The following CLASP2 variants were observed in gnomAD, a reference collection of about 807,000 sequenced individuals.
CLASP2 encodes CLIP-associating protein 2.
A neutral mutation model predicts 194.4 loss-of-function variants in CLASP2; 47 were observed. That is an observed-to-expected ratio of 0.24 (90% CI 0.19 to 0.31). CLASP2 has a LOEUF of 0.31. Ranked by LOEUF, CLASP2 falls within the 10% of genes least tolerant of loss-of-function variation. CLASP2 has a pLI of 1.00. For missense variants in CLASP2, 1,445 were observed against 1,823.6 expected, an observed-to-expected ratio of 0.79 and a Z score of 3.78; for synonymous variants, 619 against 633.5, an observed-to-expected ratio of 0.98 and a Z score of 0.34.
At chr3:33,693,396 T>C (rs1490522840) in intron 2 of CLASP2, among the ~76,000 whole-genome samples, 2 of 152,152 alleles carry the variant, frequency 1.3e-5, no homozygotes, top group Non-Finnish European at 2.9e-5. Context: ...AGTTAGATTA[T>C]CAAAAAACCT....
intron 19 of CLASP2, among the ~76,000 whole-genome samples, chr3:33,596,228 T>C (rs910995622): frequency 5.3e-5 from 8 of 152,118 alleles, no homozygotes; most frequent in Admixed American, 2.0e-4. Flanking sequence ...AGTTCAATTT[T>C]GACTAAATGT....
chr3:33,642,402 G>A (rs1384489975), intron 8 of CLASP2, among the ~76,000 whole-genome samples: 1 of 151,856 alleles, frequency 6.6e-6, no homozygotes, highest in African/African-American at 2.4e-5. Context: ...AATGAATAGT[G>A]CCACTTTTGT....
rs1485542441 is a variant in CLASP2 at position 33,516,139 on chromosome 3, C to T, written c.3994G>A (p.Ala1332Thr). 1 of 1,604,808 alleles carries T rather than the reference C, an allele frequency of 6.2e-7. No individual in the cohort carries two copies. The highest frequency in any genetic ancestry group is 1.1e-5 in the South Asian group (1 of 88,816). ...TLGDKEPTIR[A>T]LALKVLREIL... ...TCTCTTAAAACCTTTAATGCCAAAG[C>T]CCTGATTGTAGGCTAAGAAGAAACA... Residue 1332 changes from alanine (A) to threonine (T), a missense_variant, in exon 36 of 39, where the codon GCT becomes ACT. By Grantham distance (58) the Ala-to-Thr change is moderately conservative. This residue lies in a region of CLASP2 where 732 missense variants were observed against 987.9 expected (regional missense o/e 0.74). Coordinates refer to ENST00000682230, the MANE Select transcript of CLASP2 (RefSeq NM_001365631.1).
intron 6 of CLASP2, among the ~76,000 whole-genome samples, chr3:33,670,237 C>G (rs531729346): frequency 2.5e-3 from 383 of 152,110 alleles, no homozygotes; most frequent in Non-Finnish European, 3.9e-3. Flanking sequence ...TGTTAGAAGT[C>G]AGGATTGTGG....
intron 8 of CLASP2, among the ~76,000 whole-genome samples, chr3:33,642,516 C>G (rs151189119): frequency 1.3e-5 from 2 of 151,746 alleles, no homozygotes; most frequent in Non-Finnish European, 3.0e-5. Context: ...TGTAGTGGCA[C>G]GGCAGGTGAT....
chr3:33,589,822 G>A (rs13316336), intron 21 of CLASP2, among the ~76,000 whole-genome samples: 4,025 of 152,156 alleles, frequency 0.026, 184 homozygotes, highest in African/African-American at 0.091. Context: ...TTAAAAAAAA[G>A]CCCTTTGAGT....
intron 12 of CLASP2, among the ~76,000 whole-genome samples, chr3:33,612,963 A>T (rs1456982057): frequency 6.6e-6 from 1 of 152,218 alleles, no homozygotes. Flanking sequence ...CTAGTGTTCG[A>T]TAGTTCAGTA....
At chr3:33,624,814 C>A (rs1163760333) in intron 10 of CLASP2, among the ~76,000 whole-genome samples, 1 of 151,966 alleles carries the variant, frequency 6.6e-6, no homozygotes, top group Non-Finnish European at 1.5e-5. Context: ...ACTATTGTAA[C>A]CTGTGATTAA....
At chr3:33,564,044 G>A (rs1455638816) in intron 27 of CLASP2, 1 of 401,634 alleles carries the variant, frequency 2.5e-6, no homozygotes, top group Non-Finnish European at 4.8e-6. Context: ...TCCTGACTTA[G>A]AACTCACAGA....
chr3:33,645,562 C>T (rs2082129545), intron 7 of CLASP2: 2 of 433,712 alleles, frequency 4.6e-6, no homozygotes, highest in Non-Finnish European at 8.1e-6. Flanking sequence ...AAAAATTCTC[C>T]ATGCATCTAA....
At chr3:33,633,124 C>A (rs1382373326) in intron 8 of CLASP2, among the ~76,000 whole-genome samples, 1 of 152,104 alleles carries the variant, frequency 6.6e-6, no homozygotes. Flanking sequence ...CCACTCATTC[C>A]AGGAGCAGCA....
At chr3:33,552,212 G>A (rs1001865149) in intron 29 of CLASP2, among the ~76,000 whole-genome samples, 6 of 150,146 alleles carry the variant, frequency 4.0e-5, no homozygotes, top group Non-Finnish European at 7.4e-5. Flanking sequence ...TCCGTCTCCT[G>A]GGTTCAAACG....
rs190459856 is a variant in CLASP2 at position 33,620,763 on chromosome 3, T to C, written c.1182-1025A>G. On this transcript the variant is annotated intron_variant, in intron 11 of 38. Transcript: ENST00000682230. ...TAGAGCTGGTTTAGTACTATTCCTA[T>C]GCAATGGCCTTTCTGGGGTTTCTAC... Among the ~76,000 whole-genome samples, 531 of 152,306 alleles carry C rather than the reference T, an allele frequency of 3.5e-3. 4 individuals are homozygous for C. Among genetic ancestry groups the C allele is most frequent in the African/African-American group, 0.012 (481 of 41,568 alleles).
At chr3:33,544,870 A>G (rs757389256) in intron 30 of CLASP2, 29 bp from the exon 31 acceptor site, 2 of 1,542,068 alleles carry the variant, frequency 1.3e-6, no homozygotes, top group South Asian at 1.3e-5. Context: ...CAGTAGATGA[A>G]TATATTTTTG....
intron 11 of CLASP2, among the ~76,000 whole-genome samples, chr3:33,621,889 T>TA (rs776557067): frequency 6.6e-6 from 1 of 152,116 alleles, no homozygotes; most frequent in Non-Finnish European, 1.5e-5. Context: ...GAATTAATGA[T>TA]AAAAAATCCA....
intron 1 of CLASP2, among the ~76,000 whole-genome samples, chr3:33,706,180 C>G (rs1304938433): frequency 6.6e-6 from 1 of 152,016 alleles, no homozygotes; most frequent in South Asian, 2.1e-4. Flanking sequence ...CCCGGGACGT[C>G]AAGTCTGCAG....
intron 1 of CLASP2, among the ~76,000 whole-genome samples, chr3:33,707,771 C>T (rs377743310): frequency 6.6e-6 from 1 of 152,078 alleles, no homozygotes; most frequent in African/African-American, 2.4e-5. Flanking sequence ...CATCATTACA[C>T]GAATGAAACC....
intron 9 of CLASP2, 79 bp from the exon 10 acceptor site, chr3:33,627,159 A>G (rs1256736460): frequency 3.7e-6 from 3 of 800,950 alleles, no homozygotes; most frequent in Non-Finnish European, 6.3e-6. Context: ...GTTTAAAATA[A>G]TCTTTCACCT....
chr3:33,686,676 T>C (rs990872492), intron 5 of CLASP2, among the ~76,000 whole-genome samples: 2 of 152,150 alleles, frequency 1.3e-5, no homozygotes, highest in Non-Finnish European at 1.5e-5. Flanking sequence ...CTCTGTTAAG[T>C]AGGGTTCTTA....
Sources: allele counts gnomAD v4.1 joint callset (sites outside exome capture counted in the v4.1 genomes callset), GRCh38; gene constraint gnomAD v4.1.1; regional missense constraint gnomAD v4.1.1; transcripts MANE v1.5; gene names NCBI Gene and HGNC (gene_info 2026-07-23, HGNC 2026-07-21).